Variants in CATSPERG observed in about 807,000 individuals in gnomAD.
The protein encoded by CATSPERG is catsper channel auxiliary subunit gamma.
Under a neutral mutation model 145.0 loss-of-function variants are expected in CATSPERG, and 115 were observed. The observed-to-expected ratio is 0.79, with a 90% CI of 0.68 to 0.93. The LOEUF is 0.93. Among genes scored for constraint, CATSPERG ranks in the 40% least tolerant of loss-of-function variants. CATSPERG has a pLI of 0.00. For synonymous variants in CATSPERG, 588 were observed against 589.0 expected, an observed-to-expected ratio of 1.00 and a Z score of 0.02; for missense variants, 1,296 against 1,490.1, an observed-to-expected ratio of 0.87 and a Z score of 2.14.
chr19:38,367,353 C>A, intron 23 of CATSPERG, 41 bp downstream of exon 23: 2 of 1,594,132 alleles, frequency 1.3e-6, no homozygotes, highest in Non-Finnish European at 1.7e-6. Flanking sequence ...TCACTGCCCT[C>A]TTGCCCCCAC....
At chr19:38,357,203 A>G (rs1970259158) in intron 11 of CATSPERG, among the ~76,000 whole-genome samples, 1 of 152,066 alleles carries the variant, frequency 6.6e-6, no homozygotes, top group African/African-American at 2.4e-5. Flanking sequence ...GTGCCTTTTT[A>G]TAATTCACAT....
chr19:38,356,998 A>G, intron 11 of CATSPERG, 137 bp downstream of exon 11: 6 of 1,122,492 alleles, frequency 5.3e-6, no homozygotes, highest in Non-Finnish European at 7.7e-6. Context: ...GTTGAGGAGT[A>G]GCAGTGGAGA....
Position 38,361,717 on chromosome 19 carries a change from T to A in CATSPERG, c.1950T>A (p.Ser650Arg). 1 of 1,613,020 alleles carries A rather than the reference T, an allele frequency of 6.2e-7. No homozygotes were observed. The highest frequency in any genetic ancestry group is 8.5e-7 in the Non-Finnish European group (1 of 1,179,842). Reference sequence around the variant, plus strand: ...TGATGCGCCTGCGGAGCCTGCCCAGTCCGCAGAGATACACGCGCCAGGAGC... The same window carrying A: ...TGATGCGCCTGCGGAGCCTGCCCAGACCGCAGAGATACACGCGCCAGGAGC... ...FSVMRLRSLP[S>R]PQRYTRQERY... The change falls in exon 17 of 29, where the codon AGT becomes AGA. Residue 650 changes from serine (S) to arginine (R), a missense_variant. Transcript: ENST00000409235.
chr19:38,366,570 G>A, intron 22 of CATSPERG: 1 of 153,180 alleles, frequency 6.5e-6, no homozygotes, highest in Non-Finnish European at 1.5e-5. Flanking sequence ...GGCCCATCTG[G>A]CTGCATGGGG....
intron 10 of CATSPERG, 27 bp downstream of exon 10, chr19:38,356,570 G>T: frequency 6.2e-7 from 1 of 1,610,694 alleles, no homozygotes; most frequent in Non-Finnish European, 8.5e-7. Context: ...TGGGTCTGCG[G>T]TGGGAGGCTG....
In CATSPERG at chr19:38,337,329, C is replaced by CAAGGAGCT; in HGVS notation, c.95_96insAAGGAGCT (p.Trp33ArgfsTer21). ...GCCCTGCTGGCAGTGCTCCTGGCGT[C>CAAGGAGCT]GTGGAGGCTGTGGGCGATCAAGGAT... On this transcript the variant is annotated frameshift_variant, in exon 2 of 29. Transcript: ENST00000409235. LOFTEE classifies it high-confidence loss of function. 1 of 1,551,522 alleles carries CAAGGAGCT rather than the reference C, an allele frequency of 6.4e-7. No individual in the cohort carries two copies. The highest frequency in any genetic ancestry group is 8.7e-7 in the Non-Finnish European group (1 of 1,146,994).
intron 3 of CATSPERG, among the ~76,000 whole-genome samples, chr19:38,342,264 C>A (rs1489239805): frequency 6.8e-6 from 1 of 146,958 alleles, no homozygotes; most frequent in Admixed American, 7.1e-5. Flanking sequence ...AAATAGCCAG[C>A]CTGGGCAACA....
intron 8 of CATSPERG, 193 bp downstream of exon 8, chr19:38,352,625 G>C (rs1485407415): frequency 6.9e-6 from 4 of 582,306 alleles, no homozygotes; most frequent in Non-Finnish European, 9.0e-6. Flanking sequence ...TTTTTGCTGG[G>C]ATGAGGCTTC....
chr19:38,359,121 A>G (rs768266958), intron 13 of CATSPERG, among the ~76,000 whole-genome samples: 34 of 151,982 alleles, frequency 2.2e-4, no homozygotes, highest in Non-Finnish European at 2.1e-4. Flanking sequence ...GAGTGCTGGG[A>G]TTACAGGTGT....
In CATSPERG at chr19:38,337,330, G is replaced by C; in HGVS notation, c.96G>C (p.Ser32=). ...CCCTGCTGGCAGTGCTCCTGGCGTC[G>C]TGGAGGCTGTGGGCGATCAAGGATT... ...LWALLAVLLA[S]WRLWAIKDFQ... The change falls in exon 2 of 29, where the codon TCG becomes TCC. Residue 32 remains serine, a synonymous_variant. Transcript: ENST00000409235. 1 of 1,551,560 alleles carries C rather than the reference G, an allele frequency of 6.4e-7. No individual in the cohort carries two copies. The highest frequency in any genetic ancestry group is 1.2e-5 in the South Asian group (1 of 84,070).
chr19:38,362,088 T>C, intron 17 of CATSPERG, 122 bp from the exon 18 acceptor site: 1 of 1,124,660 alleles, frequency 8.9e-7, no homozygotes, highest in South Asian at 1.4e-5. Flanking sequence ...GGCTGGGGTG[T>C]GTATCTTCTG....
At chr19:38,369,850 A>AG in intron 26 of CATSPERG, 122 bp from the exon 27 acceptor site, 1 of 848,118 alleles carries the variant, frequency 1.2e-6, no homozygotes, top group South Asian at 1.4e-5. Flanking sequence ...GGAATGAATG[A>AG]GGGAAGGCAT....
chr19:38,356,282 T>C (rs116587150), intron 9 of CATSPERG, among the ~76,000 whole-genome samples: 29 of 152,230 alleles, frequency 1.9e-4, no homozygotes, highest in African/African-American at 7.0e-4. Flanking sequence ...TGGCCAGACC[T>C]GAGGCATGAG....
At chr19:38,356,655 G>A in intron 10 of CATSPERG, 87 bp from the exon 11 acceptor site, 6 of 1,593,712 alleles carry the variant, frequency 3.8e-6, no homozygotes, top group Non-Finnish European at 4.3e-6. Flanking sequence ...TCTTAGGGAG[G>A]GGTGAGTTAT....
At chr19:38,336,708 C>CG in intron 1 of CATSPERG, 1 of 250,404 alleles carries the variant, frequency 4.0e-6, no homozygotes, top group Non-Finnish European at 8.0e-6. Context: ...AGAAGCAGTA[C>CG]GGGGGAACTT....
chr19:38,348,467 T>G (rs1044476305), intron 7 of CATSPERG, among the ~76,000 whole-genome samples: 6 of 149,316 alleles, frequency 4.0e-5, no homozygotes, highest in African/African-American at 7.4e-5. Flanking sequence ...AAACTTCGTT[T>G]TTTTTTTTTG....
Position 38,370,821 on chromosome 19 carries a change from C to T in CATSPERG, c.*29C>T. 1.9e-6 allele frequency: 3 copies of T among 1,606,164 alleles called. No individual in the cohort carries two copies. The highest frequency in any genetic ancestry group is 1.7e-6 in the Non-Finnish European group (2 of 1,174,404). ...TCCCACCTGCCCCAGCCCCCAGTTA[C>T]TGTCACGCCTCTCTTATGAGGCCCA... On this transcript the variant is annotated 3_prime_UTR_variant, in exon 29 of 29. Transcript: ENST00000409235.
chr19:38,343,800 G>A, intron 4 of CATSPERG, 76 bp downstream of exon 4: 1 of 1,484,642 alleles, frequency 6.7e-7, no homozygotes, highest in Non-Finnish European at 9.0e-7. Context: ...GTGGGGCCAT[G>A]ATCTGAGGAG....
intron 22 of CATSPERG, 48 bp from the exon 23 acceptor site, chr19:38,367,108 C>G: frequency 6.4e-7 from 1 of 1,565,024 alleles, no homozygotes; most frequent in Non-Finnish European, 8.6e-7. Flanking sequence ...CTCCAGGGGC[C>G]TGAGGAGACC....
Sources: gnomAD v4.1 joint callset for allele counts (sites outside exome capture counted in the v4.1 genomes callset) on GRCh38, gnomAD v4.1.1 for gene constraint, MANE v1.5 for transcripts, NCBI Gene and HGNC (gene_info 2026-07-23, HGNC 2026-07-21) for gene names.